Variants in UNC5D observed in about 807,000 individuals in gnomAD.
The protein encoded by UNC5D is netrin receptor UNC5D.
UNC5D carries 39 observed loss-of-function variants against 105.4 expected under a neutral mutation model. That is an observed-to-expected ratio of 0.37 (90% CI 0.29 to 0.48). The LOEUF (loss-of-function observed/expected upper bound fraction) is 0.48, where lower values mean the gene tolerates loss of function less well. Ranked by LOEUF, UNC5D falls within the 20% of genes least tolerant of loss-of-function variation. The pLI, the probability that UNC5D is intolerant of heterozygous loss-of-function variation, is 0.98. For missense variants in UNC5D, 991 were observed against 1,202.4 expected (o/e 0.82, Z 2.60); for synonymous variants, 452 against 450.4 (o/e 1.00, Z -0.04).
intron 1 of UNC5D, among the ~76,000 whole-genome samples, chr8:35,306,598 T>TAATTGGTTACTAATTAGTAACTA (rs1563298978): frequency 6.6e-6 from 1 of 152,176 alleles, no homozygotes; most frequent in African/African-American, 2.4e-5. Flanking sequence ...TATTAGTAAC[T>TAATTGGTTACTAATTAGTAACTA]GTTGGTTACT....
At chr8:35,427,474 C>T (rs1031871202) in intron 1 of UNC5D, among the ~76,000 whole-genome samples, 4 of 152,144 alleles carry the variant, frequency 2.6e-5, no homozygotes, top group African/African-American at 4.8e-5. Flanking sequence ...AGTGAATTCC[C>T]CATGTGTTTT....
At chr8:35,670,648 A>AGTT (rs766536727) in intron 4 of UNC5D, among the ~76,000 whole-genome samples, 12 of 152,122 alleles carry the variant, frequency 7.9e-5, no homozygotes, top group Non-Finnish European at 1.5e-4. Flanking sequence ...TATAAGTGGG[A>AGTT]GTTGAACAAT....
At chr8:35,394,725 T>C (rs962282396) in intron 1 of UNC5D, among the ~76,000 whole-genome samples, 3 of 152,178 alleles carry the variant, frequency 2.0e-5, no homozygotes, top group African/African-American at 7.2e-5. Context: ...GAATTCCAGC[T>C]TCAATGTCAT....
intron 1 of UNC5D, among the ~76,000 whole-genome samples, chr8:35,444,075 T>C (rs1375315754): frequency 6.6e-6 from 1 of 152,086 alleles, no homozygotes; most frequent in African/African-American, 2.4e-5. Context: ...TCTTATCTAA[T>C]GTTAAAAGTA....
At chr8:35,336,298 CT>C (rs1191151148) in intron 1 of UNC5D, among the ~76,000 whole-genome samples, 1 of 152,070 alleles carries the variant, frequency 6.6e-6, no homozygotes, top group Admixed American at 6.6e-5. Flanking sequence ...ATCATTTAAC[CT>C]CTCTACCACT....
At chr8:35,349,754 A>T (rs558122330) in intron 1 of UNC5D, among the ~76,000 whole-genome samples, 15 of 152,138 alleles carry the variant, frequency 9.9e-5, no homozygotes, top group Non-Finnish European at 1.5e-4. Flanking sequence ...CTGTACTTCA[A>T]TATGCTGCAG....
At chr8:35,292,053 G>C (rs2128862445) in intron 1 of UNC5D, among the ~76,000 whole-genome samples, 1 of 152,278 alleles carries the variant, frequency 6.6e-6, no homozygotes, top group South Asian at 2.1e-4. Context: ...TCTAAATAAA[G>C]AGATTCACTA....
intron 1 of UNC5D, among the ~76,000 whole-genome samples, chr8:35,341,374 T>C (rs761552891): frequency 6.6e-6 from 1 of 152,082 alleles, no homozygotes; most frequent in Non-Finnish European, 1.5e-5. Context: ...ATCACTTGGA[T>C]ATCCTTTCAC....
At chr8:35,289,729 A>T (rs193180764) in intron 1 of UNC5D, among the ~76,000 whole-genome samples, 49 of 152,326 alleles carry the variant, frequency 3.2e-4, no homozygotes, top group Non-Finnish European at 4.9e-4. Flanking sequence ...ATGTTGGCAA[A>T]GTACTTGAAC....
chr8:35,629,437 G>A (rs1821898770), intron 4 of UNC5D, among the ~76,000 whole-genome samples: 1 of 152,014 alleles, frequency 6.6e-6, no homozygotes, highest in African/African-American at 2.4e-5. Context: ...TTCAGCAACA[G>A]AAAATCAAAT....
chr8:35,525,171 C>A (rs1418956173), intron 1 of UNC5D: 2 of 1,609,136 alleles, frequency 1.2e-6, no homozygotes, highest in African/African-American at 1.4e-5. Context: ...TCCATGTGTA[C>A]GGACTCAGGA....
At chr8:35,309,644 C>T (rs949977903) in intron 1 of UNC5D, among the ~76,000 whole-genome samples, 53 of 152,114 alleles carry the variant, frequency 3.5e-4, no homozygotes, top group African/African-American at 1.3e-3. Context: ...GGCTGAAATA[C>T]CAGAATTCCT....
intron 1 of UNC5D, among the ~76,000 whole-genome samples, chr8:35,458,836 T>C (rs1808677662): frequency 1.3e-5 from 2 of 152,174 alleles, no homozygotes. Context: ...GAAAGGCTGG[T>C]AAACAATTTT....
At chr8:35,765,948 A>C (rs1586611305) in intron 14 of UNC5D, among the ~76,000 whole-genome samples, 1 of 152,214 alleles carries the variant, frequency 6.6e-6, no homozygotes, top group South Asian at 2.1e-4. Flanking sequence ...GTCATTGCCA[A>C]GGGCCAAGCC....
chr8:35,531,039 A>G (rs1814327459), intron 1 of UNC5D, among the ~76,000 whole-genome samples: 9 of 149,904 alleles, frequency 6.0e-5, no homozygotes. Context: ...TTGTGTCTCT[A>G]TTTCCTTCAG....
At chr8:35,467,550 G>A (rs1377627014) in intron 1 of UNC5D, among the ~76,000 whole-genome samples, 2 of 130,852 alleles carry the variant, frequency 1.5e-5, no homozygotes, top group Non-Finnish European at 3.1e-5. Flanking sequence ...AACCTTCCAT[G>A]CCATAATGAA....
rs183839712 is a variant in UNC5D, at chr8:35,387,089, A to G, written c.103+151202A>G. ...AAATGCAGATTCTCAGGCCGGACGC[A>G]GTGGCTCACACCTGTAATCCCAGCA... On this transcript the variant is annotated intron_variant, in intron 1 of 16. Coordinates refer to ENST00000404895, the MANE Select transcript of UNC5D (RefSeq NM_080872.4). Among the ~76,000 whole-genome samples the G allele has an allele frequency of 1.3e-3, 192 of 151,908 alleles. 5 individuals are homozygous for G. The East Asian group carries it at 0.033, about 26-fold the overall frequency.
chr8:35,446,500 A>C (rs921741369), intron 1 of UNC5D, among the ~76,000 whole-genome samples: 4 of 152,020 alleles, frequency 2.6e-5, no homozygotes, highest in Admixed American at 2.6e-4. Flanking sequence ...CTAAAAAAAA[A>C]GTAATTACCC....
At position 35,253,906 on chromosome 8, in the gene UNC5D, G is replaced by A. The variant is rs184138010; in HGVS notation, c.103+18019G>A. Among the ~76,000 whole-genome samples the A allele has an allele frequency of 4.6e-5, 7 of 152,182 alleles. No homozygotes were observed. The East Asian group carries it at 1.4e-3, about 29-fold the overall frequency. On this transcript the variant is annotated intron_variant, in intron 1 of 16. Transcript: ENST00000404895. Reference sequence around the variant, plus strand: ...ATTTATGAAGGTTGCACATATACATGGGAATTTTTTAGTCTGGCATTAAAT... The same window carrying A: ...ATTTATGAAGGTTGCACATATACATAGGAATTTTTTAGTCTGGCATTAAAT...
Sources: allele counts gnomAD v4.1 joint callset (sites outside exome capture counted in the v4.1 genomes callset), GRCh38; gene constraint gnomAD v4.1.1; transcripts MANE v1.5; gene names NCBI Gene and HGNC (gene_info 2026-07-23, HGNC 2026-07-21).